DRC8: variants seen among roughly 807,000 people sequenced by gnomAD.
The protein encoded by DRC8 is dynein regulatory complex subunit 8, also known as dynein regulatory complex protein 8.
chr1:245,061,808 T>C, the DRC8 span, among the ~76,000 whole-genome samples: 1 of 152,182 alleles, frequency 6.6e-6, no homozygotes, highest in East Asian at 1.9e-4. Flanking sequence ...GTATATGCTT[T>C]AAAATTGCTC....
chr1:245,100,763 TAG>T, the DRC8 span, among the ~76,000 whole-genome samples: 1 of 151,784 alleles, frequency 6.6e-6, no homozygotes, highest in African/African-American at 2.4e-5. Context: ...GCCTGGGCAA[TAG>T]AGTGAGACCC....
At chr1:245,062,371 T>C in the DRC8 span, among the ~76,000 whole-genome samples, 1 of 152,216 alleles carries the variant, frequency 6.6e-6, no homozygotes, top group South Asian at 2.1e-4. Flanking sequence ...TTTTGGAATA[T>C]CACAAAAACT....
chr1:245,044,680 C>T, the DRC8 span, among the ~76,000 whole-genome samples: 2 of 152,062 alleles, frequency 1.3e-5, no homozygotes, highest in Non-Finnish European at 2.9e-5. Context: ...GATTCTCCTG[C>T]CTCAGCCTCC....
At chr1:245,112,756 CTTT>C in the DRC8 span, among the ~76,000 whole-genome samples, 1 of 142,252 alleles carries the variant, frequency 7.0e-6, no homozygotes, top group Non-Finnish European at 1.5e-5. Context: ...TTCATGTTAC[CTTT>C]TTTTTTTTTT....
chr1:245,087,368 A>G, the DRC8 span: 5 of 1,573,826 alleles, frequency 3.2e-6, no homozygotes, highest in Non-Finnish European at 4.3e-6. Flanking sequence ...TAAATGTTCT[A>G]AAGATAATTT....
the DRC8 span, among the ~76,000 whole-genome samples, chr1:244,984,165 G>A: frequency 3.3e-5 from 5 of 152,104 alleles, no homozygotes; most frequent in African/African-American, 9.6e-5. Context: ...CCCATCTCTG[G>A]TGGGTCTTCC....
chr1:245,108,097 A>G, the DRC8 span, among the ~76,000 whole-genome samples: 1 of 152,038 alleles, frequency 6.6e-6, no homozygotes, highest in South Asian at 2.1e-4. Flanking sequence ...TTCAAAGAAC[A>G]CCTTCCTTTC....
At chr1:245,017,633 G>A in the DRC8 span, among the ~76,000 whole-genome samples, 6 of 152,148 alleles carry the variant, frequency 3.9e-5, no homozygotes, top group African/African-American at 2.4e-5. Flanking sequence ...TTGGTACTCA[G>A]GAAATAGTCG....
chr1:245,090,066 AAAG>A, the DRC8 span, among the ~76,000 whole-genome samples: 1 of 152,232 alleles, frequency 6.6e-6, no homozygotes, highest in East Asian at 1.9e-4. Context: ...CAGGAGCAAA[AAAG>A]AAAAGAAAAA....
the DRC8 span, among the ~76,000 whole-genome samples, chr1:244,977,688 T>C: frequency 6.6e-6 from 1 of 152,058 alleles, no homozygotes; most frequent in African/African-American, 2.4e-5. Flanking sequence ...AAAATAATAA[T>C]AAAAAGTGAT....
chr1:245,007,457 A>G, the DRC8 span, among the ~76,000 whole-genome samples: 6 of 152,240 alleles, frequency 3.9e-5, no homozygotes, highest in Non-Finnish European at 8.8e-5. Context: ...AGATGTCATA[A>G]TAGCATTGGG....
the DRC8 span, among the ~76,000 whole-genome samples, chr1:245,121,329 C>T: frequency 3.9e-5 from 6 of 152,308 alleles, no homozygotes; most frequent in East Asian, 3.9e-4. Flanking sequence ...TTATATGTAA[C>T]GGAAGAGTCC....
the DRC8 span, among the ~76,000 whole-genome samples, chr1:245,016,810 G>C: frequency 2.6e-5 from 4 of 152,268 alleles, no homozygotes; most frequent in African/African-American, 9.6e-5. Context: ...CAAAGAATAA[G>C]GCAAGGTAGG....
the DRC8 span, among the ~76,000 whole-genome samples, chr1:244,979,514 C>T: frequency 6.6e-6 from 1 of 151,782 alleles, no homozygotes; most frequent in Admixed American, 6.6e-5. Flanking sequence ...CCATACTGGC[C>T]AGTCTGGTCT....
chr1:245,054,655 G>C, the DRC8 span, among the ~76,000 whole-genome samples: 9 of 151,960 alleles, frequency 5.9e-5, no homozygotes, highest in African/African-American at 2.2e-4. Context: ...TTGAATGTGG[G>C]TACTCCTCAG....
chr1:244,989,901 T>C, the DRC8 span, among the ~76,000 whole-genome samples: 1 of 151,786 alleles, frequency 6.6e-6, no homozygotes, highest in East Asian at 1.9e-4. Flanking sequence ...ATTCCAGAAA[T>C]AAACCATTCA....
chr1:245,061,765 GT>G, the DRC8 span, among the ~76,000 whole-genome samples: 61 of 152,264 alleles, frequency 4.0e-4, 1 homozygote, highest in African/African-American at 1.4e-3. Flanking sequence ...TTCTATAATA[GT>G]TTCAGAGATC....
At chr1:245,120,965 T>TA in the DRC8 span, among the ~76,000 whole-genome samples, 1 of 152,266 alleles carries the variant, frequency 6.6e-6, no homozygotes, top group African/African-American at 2.4e-5. Flanking sequence ...GGAATGGTGT[T>TA]AAGCCAGGTT....
At chr1:245,065,415 T>C in the DRC8 span, among the ~76,000 whole-genome samples, 1 of 152,194 alleles carries the variant, frequency 6.6e-6, no homozygotes, top group South Asian at 2.1e-4. Context: ...GTAGATTTCT[T>C]GAACTTTGTC....
Sources: gnomAD v4.1 joint callset for allele counts (sites outside exome capture counted in the v4.1 genomes callset) on GRCh38, gnomAD v4.1.1 for gene constraint, MANE v1.5 for transcripts, NCBI Gene and HGNC (gene_info 2026-07-23, HGNC 2026-07-21) for gene names.